Variants in RPH3A observed in about 807,000 individuals in gnomAD.
The protein encoded by RPH3A is rabphilin-3A.
Under a neutral mutation model 102.2 loss-of-function variants are expected in RPH3A, and 48 were observed. The observed-to-expected ratio is 0.47, with a 90% CI of 0.37 to 0.60. The LOEUF (loss-of-function observed/expected upper bound fraction) is 0.60, where lower values mean the gene tolerates loss of function less well. Ranked by LOEUF, RPH3A falls within the 20% of genes least tolerant of loss-of-function variation. RPH3A has a pLI of 0.00. For missense variants in RPH3A, 781 were observed against 910.1 expected (o/e 0.86, Z 1.83); for synonymous variants, 310 against 324.3 (o/e 0.96, Z 0.47).
chr12:112,638,953 A>T (rs538851149), intron 1 of RPH3A, among the ~76,000 whole-genome samples: 4 of 152,122 alleles, frequency 2.6e-5, no homozygotes, highest in South Asian at 2.1e-4. Flanking sequence ...CTTTCTTCCT[A>T]AGCATTAACA....
chr12:112,781,679 C>T (rs993724945), intron 1 of RPH3A, among the ~76,000 whole-genome samples: 1 of 152,210 alleles, frequency 6.6e-6, no homozygotes, highest in East Asian at 1.9e-4. Context: ...CCCTTTTCAT[C>T]CATTCATTCA....
chr12:112,879,202 G>A lies in RPH3A; in HGVS notation c.1251+4G>A. Reference sequence around the variant, plus strand: ...GTGCACCATCATTAAGGCCAAGGTGGGTGATGGGGACCATGCAGGGAACCT... The same window carrying A: ...GTGCACCATCATTAAGGCCAAGGTGAGTGATGGGGACCATGCAGGGAACCT... On this transcript the variant is annotated splice_donor_region_variant and intron_variant, in intron 14 of 21. Coordinates refer to ENST00000389385, the MANE Select transcript of RPH3A (RefSeq NM_001143854.2). 6.2e-7 allele frequency: 1 copy of A among 1,612,996 alleles called. No homozygotes were observed. The highest frequency in any genetic ancestry group is 8.5e-7 in the Non-Finnish European group (1 of 1,179,290).
intron 5 of RPH3A, 110 bp from the exon 6 acceptor site, chr12:112,865,304 C>A: frequency 7.8e-7 from 1 of 1,288,154 alleles, no homozygotes; most frequent in Non-Finnish European, 1.1e-6. Context: ...TCATCAGACG[C>A]ACAACAGCGT....
intron 1 of RPH3A, among the ~76,000 whole-genome samples, chr12:112,720,280 G>C (rs1342779117): frequency 6.6e-6 from 1 of 152,218 alleles, no homozygotes; most frequent in African/African-American, 2.4e-5. Context: ...ATGTCAGACT[G>C]AATATTTTCA....
At chr12:112,868,337 G>A (rs2042645967) in intron 7 of RPH3A, 93 bp from the exon 8 acceptor site, 1 of 1,284,912 alleles carries the variant, frequency 7.8e-7, no homozygotes, top group African/African-American at 1.5e-5. Context: ...AGTGTGCTTT[G>A]GATGAGGAGG....
At chr12:112,644,970 G>T (rs1215745958) in intron 1 of RPH3A, among the ~76,000 whole-genome samples, 1 of 152,208 alleles carries the variant, frequency 6.6e-6, no homozygotes, top group African/African-American at 2.4e-5. Flanking sequence ...GTGCCTGGAT[G>T]CAGCTGTACC....
At chr12:112,726,155 C>A (rs890499343) in intron 1 of RPH3A, among the ~76,000 whole-genome samples, 1 of 151,398 alleles carries the variant, frequency 6.6e-6, no homozygotes, top group African/African-American at 2.4e-5. Flanking sequence ...TACTCTGTTT[C>A]CCAGGCTGAA....
intron 14 of RPH3A, among the ~76,000 whole-genome samples, chr12:112,879,952 G>A (rs1426823064): frequency 6.6e-6 from 1 of 152,188 alleles, no homozygotes; most frequent in Non-Finnish European, 1.5e-5. Context: ...GATAATAGTA[G>A]TGTATCTCCC....
intron 2 of RPH3A, among the ~76,000 whole-genome samples, chr12:112,815,290 G>A (rs2041652425): frequency 1.3e-5 from 2 of 152,160 alleles, no homozygotes; most frequent in Non-Finnish European, 2.9e-5. Flanking sequence ...ACCACATGAC[G>A]CTGCCATTAT....
chr12:112,668,650 G>T (rs191782495), intron 1 of RPH3A, among the ~76,000 whole-genome samples: 1 of 152,094 alleles, frequency 6.6e-6, no homozygotes, highest in Non-Finnish European at 1.5e-5. Context: ...CAAACACCAG[G>T]CCTGTCGGGT....
intron 1 of RPH3A, among the ~76,000 whole-genome samples, chr12:112,729,489 A>G (rs2040618653): frequency 6.6e-6 from 1 of 151,758 alleles, no homozygotes; most frequent in Non-Finnish European, 1.5e-5. Flanking sequence ...CTCGGCATAC[A>G]AAGGGAATTT....
At chr12:112,631,677 C>T (rs576601260) in intron 1 of RPH3A, among the ~76,000 whole-genome samples, 64 of 151,628 alleles carry the variant, frequency 4.2e-4, no homozygotes, top group Non-Finnish European at 8.2e-4. Context: ...TATATGCCAC[C>T]GCACCTGCTA....
At chr12:112,678,457 A>T (rs991202189) in intron 1 of RPH3A, among the ~76,000 whole-genome samples, 4 of 151,956 alleles carry the variant, frequency 2.6e-5, no homozygotes, top group African/African-American at 9.7e-5. Context: ...GGCCTTGAAT[A>T]TCTAGGGTCT....
rs1412088902 is a variant in RPH3A, at chr12:112,881,833, C to T, written c.1313C>T (p.Pro438Leu). The stretch of plus-strand genomic sequence containing the variant: ...CCCTACGTTAAGCTGCACCTCCTGC[C>T]GGGAGCCAGCAAGGTACCATATGGC... ...ADPYVKLHLL[P>L]GASKSNKLRT... is the part of the protein sequence containing the mutation. The change falls in exon 15 of 22, where the codon CCG (proline) becomes CTG (leucine). Residue 438 changes from proline to leucine, a missense_variant. Physicochemically the swap from Pro to Leu is moderately conservative, Grantham distance 98 (BLOSUM62 -3). Transcript: ENST00000389385. 6.8e-6 allele frequency: 11 copies of T among 1,611,822 alleles called. No individual in the cohort carries two copies. Among genetic ancestry groups the T allele is most frequent in the South Asian group, 2.2e-5 (2 of 90,790 alleles).
chr12:112,891,282 A>G, intron 19 of RPH3A: 1 of 416,194 alleles, frequency 2.4e-6, no homozygotes, highest in South Asian at 3.3e-5. Flanking sequence ...CTAATTAGTT[A>G]TAGTAGCCCC....
chr12:112,751,058 A>G (rs1294305823), intron 1 of RPH3A, among the ~76,000 whole-genome samples: 2 of 152,352 alleles, frequency 1.3e-5, no homozygotes, highest in East Asian at 3.9e-4. Context: ...TGAGCTGCTG[A>G]ATCAAGTCAT....
chr12:112,849,086 T>C (rs927446577), intron 5 of RPH3A, among the ~76,000 whole-genome samples: 7 of 152,228 alleles, frequency 4.6e-5, no homozygotes, highest in African/African-American at 1.4e-4. Flanking sequence ...AGATGCCCAC[T>C]GATTCCCTAC....
At position 112,774,111 on chromosome 12, in the gene RPH3A, G is replaced by C. The variant is rs1025904714; in HGVS notation, c.-139-18032G>C. Among the ~76,000 whole-genome samples the C allele has an allele frequency of 7.0e-5, 10 of 143,060 alleles. No individual in the cohort carries two copies. In the East Asian group the frequency reaches 1.6e-3, roughly 23 times the overall value. 93.9% of individuals were successfully genotyped at this position (143,060 alleles called of 152,430 possible). A position where few individuals can be genotyped will look rare whatever the true frequency, so the allele number is the denominator to read the frequency against. On this transcript the variant is annotated intron_variant, in intron 1 of 21. Coordinates refer to the RPH3A transcript ENST00000543106. ...GAAAGGTAGAAGTAAAGGATGCCAAGAAACAAGAAGATGGACATAGCATAT... is the reference window on the plus strand; with the variant it reads ...GAAAGGTAGAAGTAAAGGATGCCAACAAACAAGAAGATGGACATAGCATAT...
Position 112,868,456 on chromosome 12 carries a change from C to T in RPH3A, c.471C>T (p.Phe157=), listed in dbSNP as rs745906203. 6.2e-7 allele frequency: 1 copy of T among 1,614,164 alleles called. No individual in the cohort carries two copies. The highest frequency in any genetic ancestry group is 1.1e-5 in the South Asian group (1 of 91,082). ...TGTGGAAGCGTTCTGGAGCGTGGTT[C>T]TTCAAAGGCTTCCCCAAACAGGTCC... ...REVWKRSGAW[F]FKGFPKQVLP... The change falls in exon 8 of 22, where the codon TTC becomes TTT. Residue 157 remains phenylalanine, a synonymous_variant. Transcript: ENST00000389385.
Sources: allele counts gnomAD v4.1 joint callset (sites outside exome capture counted in the v4.1 genomes callset), GRCh38; gene constraint gnomAD v4.1.1; transcripts MANE v1.5; gene names NCBI Gene and HGNC (gene_info 2026-07-23, HGNC 2026-07-21).